LRRK1: variants seen among roughly 807,000 people sequenced by gnomAD.
The protein encoded by LRRK1 is leucine rich repeat kinase 1.
Under a neutral mutation model 209.1 loss-of-function variants are expected in LRRK1, and 113 were observed. The ratio of observed to expected loss-of-function variants is 0.54; its 90% confidence interval spans 0.46 to 0.63. LRRK1 has a LOEUF of 0.63. Ranked by LOEUF, LRRK1 falls within the 30% of genes least tolerant of loss-of-function variation. The pLI, the probability that LRRK1 is intolerant of heterozygous loss-of-function variation, is 0.00. For synonymous variants in LRRK1, 1,144 were observed against 1,099.7 expected (o/e 1.04, Z -0.80); for missense variants, 2,284 against 2,632.2 (o/e 0.87, Z 2.89).
intron 2 of LRRK1, among the ~76,000 whole-genome samples, chr15:100,930,558 C>T (rs1356002036): frequency 1.3e-5 from 2 of 152,222 alleles, no homozygotes; most frequent in African/African-American, 4.8e-5. Flanking sequence ...CCTGACTTGG[C>T]CTCCTTTATG....
Position 101,048,531 on chromosome 15 carries a change from G to T in LRRK1, c.3173G>T (p.Arg1058Met). ...ENKKNTKSRN[R>M]KVTIYSFTGN... ...AAGAAGAATACTAAAAGCAGGAACA[G>T]GAAAGTCACCATTTACAGTTTTACA... Residue 1058 changes from arginine (R) to methionine (M), a missense_variant, in exon 22 of 34, where the codon AGG (arginine) becomes ATG (methionine). Physicochemically the swap from Arg to Met is moderately conservative, Grantham distance 91. Transcript: ENST00000388948. 6.3e-7 allele frequency: 1 copy of T among 1,599,074 alleles called. No individual in the cohort carries two copies. Among genetic ancestry groups the T allele is most frequent in the Non-Finnish European group, 8.5e-7 (1 of 1,175,492 alleles).
At chr15:101,002,869 T>C (rs1299627535) in intron 6 of LRRK1, among the ~76,000 whole-genome samples, 1 of 152,210 alleles carries the variant, frequency 6.6e-6, no homozygotes, top group Non-Finnish European at 1.5e-5. Flanking sequence ...TAGCTGGGAC[T>C]ACAGGTGTGC....
rs1243630053 is a variant in LRRK1, at chr15:101,056,894, G to A, written c.4371G>A (p.Leu1457=). ...CCTATGGAATGGTGCTCTACGAGTT[G>A]CTGTCAGGACAGCGCCCTGCACTGG... ...MFSYGMVLYE[L]LSGQRPALGH... The change falls in exon 28 of 34, where the codon TTG becomes TTA. Residue 1457 remains leucine (L), a synonymous_variant. Transcript: ENST00000388948. 1 of 1,613,330 alleles carries A rather than the reference G, an allele frequency of 6.2e-7. No homozygotes were observed. The highest frequency in any genetic ancestry group is 1.1e-5 in the South Asian group (1 of 90,982).
intron 31 of LRRK1, among the ~76,000 whole-genome samples, chr15:101,064,120 C>T (rs531907822): frequency 7.5e-4 from 114 of 152,396 alleles, no homozygotes; most frequent in Admixed American, 1.2e-3. Context: ...TGGCACTCAC[C>T]GCCCTGGCCG....
chr15:101,002,952 G>A (rs1567225302), intron 6 of LRRK1, among the ~76,000 whole-genome samples: 1 of 152,132 alleles, frequency 6.6e-6, no homozygotes, highest in Non-Finnish European at 1.5e-5. Flanking sequence ...GGCTGATCGT[G>A]AGCTCCTGGC....
intron 20 of LRRK1, among the ~76,000 whole-genome samples, chr15:101,029,658 A>C (rs770453908): frequency 6.6e-6 from 1 of 152,154 alleles, no homozygotes; most frequent in Non-Finnish European, 1.5e-5. Flanking sequence ...AATTGAGGTC[A>C]GGAGTTCAAG....
intron 12 of LRRK1, among the ~76,000 whole-genome samples, chr15:101,016,952 C>G (rs1203231498): frequency 6.6e-6 from 1 of 152,194 alleles, no homozygotes; most frequent in Non-Finnish European, 1.5e-5. Flanking sequence ...GAGAGTACAT[C>G]TAGGTAAACA....
chr15:101,005,113 A>AT (rs2032881273), intron 6 of LRRK1, among the ~76,000 whole-genome samples: 1 of 152,176 alleles, frequency 6.6e-6, no homozygotes, highest in African/African-American at 2.4e-5. Context: ...GGACACCTTG[A>AT]TTCCATGTTC....
At chr15:101,055,346 ACT>A (rs568802999) in intron 27 of LRRK1, 123 bp downstream of exon 27, 16 of 940,332 alleles carry the variant, frequency 1.7e-5, no homozygotes, top group African/African-American at 1.4e-4. Flanking sequence ...CATTTTTCTC[ACT>A]CTCCCTTGCT....
At chr15:100,937,680 G>A (rs1206830371) in intron 2 of LRRK1, among the ~76,000 whole-genome samples, 4 of 151,686 alleles carry the variant, frequency 2.6e-5, no homozygotes, top group South Asian at 4.2e-4. Context: ...GACTACAGGC[G>A]CCCGCCACCA....
intron 9 of LRRK1, among the ~76,000 whole-genome samples, chr15:101,011,564 C>T (rs2033243965): frequency 6.8e-6 from 1 of 146,456 alleles, no homozygotes; most frequent in Non-Finnish European, 1.5e-5. Context: ...CTTGTTAAAA[C>T]AGATGGAATA....
At chr15:101,068,423 TACAG>T (rs772422355) in intron 33 of LRRK1, among the ~76,000 whole-genome samples, 10 of 152,120 alleles carry the variant, frequency 6.6e-5, no homozygotes, top group African/African-American at 2.2e-4. Flanking sequence ...GTCTGACTCT[TACAG>T]ACAAAGCCCA....
chr15:100,986,677 T>G (rs1237852538), intron 4 of LRRK1, among the ~76,000 whole-genome samples: 2 of 152,204 alleles, frequency 1.3e-5, no homozygotes, highest in Non-Finnish European at 2.9e-5. Flanking sequence ...CAACACAACC[T>G]GTAGGTAATT....
At chr15:101,006,136 G>A (rs977841827) in intron 6 of LRRK1, among the ~76,000 whole-genome samples, 1 of 152,150 alleles carries the variant, frequency 6.6e-6, no homozygotes, top group South Asian at 2.1e-4. Flanking sequence ...ACCAAACAGG[G>A]CACCACCTGT....
chr15:100,922,070 G>T (rs1291992695), intron 1 of LRRK1, among the ~76,000 whole-genome samples: 1 of 152,182 alleles, frequency 6.6e-6, no homozygotes, highest in Non-Finnish European at 1.5e-5. Flanking sequence ...GGTATAAATA[G>T]TTGGCAAAAG....
Position 101,070,924 on chromosome 15 carries a change from C to T in LRRK1, c.*2076C>T, listed in dbSNP as rs1225107370. Reference sequence around the variant, plus strand: ...AAAACATTGCAACACAAATGAGAGACAAAGACCTCACTTATCTTCATTACA... The same window carrying T: ...AAAACATTGCAACACAAATGAGAGATAAAGACCTCACTTATCTTCATTACA... On this transcript the variant is annotated 3_prime_UTR_variant, in exon 34 of 34. Coordinates refer to ENST00000388948, the MANE Select transcript of LRRK1 (RefSeq NM_024652.6). 3.9e-5 allele frequency: 6 copies of T among 151,962 alleles called. No homozygotes were observed. Among genetic ancestry groups the T allele is most frequent in the African/African-American group, 1.4e-4 (6 of 41,418 alleles). The allele number at this position is 151,962 out of a possible 1,614,324, so 9.4% of individuals were successfully genotyped here. A position where few individuals can be genotyped will look rare whatever the true frequency, so the allele number is the denominator to read the frequency against.
chr15:100,959,866 C>T (rs1167862541), intron 2 of LRRK1, among the ~76,000 whole-genome samples: 2 of 151,998 alleles, frequency 1.3e-5, no homozygotes, highest in African/African-American at 2.4e-5. Flanking sequence ...CCTGTAACTG[C>T]GGGTTTTCAC....
Position 100,963,098 on chromosome 15 carries a change from C to G in LRRK1, c.98-10706C>G, listed in dbSNP as rs573193271. 3.4e-4 allele frequency among the ~76,000 whole-genome samples: 51 copies of G among 151,846 alleles called. 1 individual carries two copies. Among genetic ancestry groups the G allele is most frequent in the Admixed American group, 3.1e-3 (47 of 15,232 alleles). ...TCGGCCTCCCAAAGTGCTGGGATTA[C>G]AGGCATGAGCCACCACGCCCAGCCC... On this transcript the variant is annotated intron_variant, in intron 2 of 33. Transcript: ENST00000388948.
intron 21 of LRRK1, 54 bp downstream of exon 21, chr15:101,046,206 GT>G: frequency 6.4e-7 from 1 of 1,562,542 alleles, no homozygotes; most frequent in Non-Finnish European, 8.8e-7. Context: ...ACCTACAGTT[GT>G]ACCACTGGGG....
Sources: gnomAD v4.1 joint callset for allele counts (sites outside exome capture counted in the v4.1 genomes callset) on GRCh38, gnomAD v4.1.1 for gene constraint, MANE v1.5 for transcripts, NCBI Gene and HGNC (gene_info 2026-07-23, HGNC 2026-07-21) for gene names.